The following PTPRD variants were observed in gnomAD, a reference collection of about 807,000 sequenced individuals.
PTPRD encodes the protein receptor-type tyrosine-protein phosphatase delta.
Under a neutral mutation model 214.5 loss-of-function variants are expected in PTPRD, and 34 were observed. The observed-to-expected ratio is 0.16, with a 90% CI of 0.12 to 0.21. The LOEUF (loss-of-function observed/expected upper bound fraction) is 0.21, where lower values mean the gene tolerates loss of function less well. Ranked by LOEUF, PTPRD falls within the 10% of genes least tolerant of loss-of-function variation. The pLI is 1.00. For missense variants in PTPRD, 2,545 were observed against 2,398.7 expected (o/e 1.06, Z -1.27); for synonymous variants, 1,128 against 845.7 (o/e 1.33, Z -5.79).
chr9:9,922,742 CAA>C (rs965651427), intron 5 of PTPRD, among the ~76,000 whole-genome samples: 65 of 151,774 alleles, frequency 4.3e-4, no homozygotes, highest in African/African-American at 1.5e-3. Context: ...AAACCAAAAA[CAA>C]GAACATTCTA....
chr9:10,530,459 C>G (rs2055888712), intron 2 of PTPRD, among the ~76,000 whole-genome samples: 1 of 151,994 alleles, frequency 6.6e-6, no homozygotes, highest in Non-Finnish European at 1.5e-5. Context: ...TTTTTCAGAA[C>G]AAGTGTTCCC....
rs535344466 is a variant in PTPRD at position 9,450,095 on chromosome 9, GGT to G, written c.-236-52615_-236-52614del. Among the ~76,000 whole-genome samples, 774 of 145,894 alleles carry G rather than the reference GGT, an allele frequency of 5.3e-3. 4 individuals carry two copies. Among genetic ancestry groups the G allele is most frequent in the Middle Eastern group, 7.2e-3 (2 of 278 alleles). On this transcript the variant is annotated intron_variant, in intron 8 of 45. Transcript: ENST00000381196. ...GTTTTATGGCTGAGTAGTATTCCATGGTGTGTGTGTGTGTGTGTGTGTGTCTG... is the reference window on the plus strand; with the variant it reads ...GTTTTATGGCTGAGTAGTATTCCATGGTGTGTGTGTGTGTGTGTGTGTCTG...
intron 3 of PTPRD, among the ~76,000 whole-genome samples, chr9:10,312,717 A>G (rs2096301330): frequency 6.6e-6 from 1 of 152,118 alleles, no homozygotes; most frequent in African/African-American, 2.4e-5. Context: ...GAGTAAGACA[A>G]TAAAAATGAT....
chr9:9,212,710 T>C (rs550194096), intron 9 of PTPRD, among the ~76,000 whole-genome samples: 18 of 152,276 alleles, frequency 1.2e-4, no homozygotes, highest in Non-Finnish European at 1.3e-4. Context: ...TTGATTATCA[T>C]TTAAGGAACT....
intron 45 of PTPRD, among the ~76,000 whole-genome samples, chr9:8,318,206 C>T (rs923899458): frequency 4.6e-5 from 7 of 151,932 alleles, no homozygotes; most frequent in Admixed American, 3.3e-4. Context: ...ACATTACCTT[C>T]CCAGACAAGT....
intron 2 of PTPRD, among the ~76,000 whole-genome samples, chr9:10,602,545 G>T (rs1260944273): frequency 6.6e-6 from 1 of 151,730 alleles, no homozygotes; most frequent in East Asian, 1.9e-4. Flanking sequence ...TATAAGAACA[G>T]TGATCAACGT....
chr9:9,058,798 T>C (rs1590767861), intron 10 of PTPRD, among the ~76,000 whole-genome samples: 1 of 151,442 alleles, frequency 6.6e-6, no homozygotes, highest in South Asian at 2.1e-4. Flanking sequence ...GTTAGAGAGG[T>C]TGTGAAAAAA....
intron 2 of PTPRD, among the ~76,000 whole-genome samples, chr9:10,574,478 C>T (rs1258118549): frequency 6.6e-6 from 1 of 151,912 alleles, no homozygotes; most frequent in African/African-American, 2.4e-5. Flanking sequence ...ACACATCACC[C>T]CTGTCTTCAG....
Position 9,801,349 on chromosome 9 carries a change from A to G in PTPRD, c.-367-34498T>C, listed in dbSNP as rs576213683. On this transcript the variant is annotated intron_variant, in intron 5 of 45. Coordinates refer to ENST00000381196, the MANE Select transcript of PTPRD (RefSeq NM_002839.4). ...AGCTAAAGAGGATTAAAAAAAAAAA[A>G]GTAACTTTCAGTATAAAACAGGAAT... 8.3e-3 allele frequency among the ~76,000 whole-genome samples: 1,234 copies of G among 148,086 alleles called. 19 individuals carry two copies. The highest frequency in any genetic ancestry group is 0.029 in the African/African-American group (1,167 of 39,918).
intron 26 of PTPRD, among the ~76,000 whole-genome samples, chr9:8,494,689 C>A (rs1035749048): frequency 6.6e-6 from 1 of 152,192 alleles, no homozygotes; most frequent in African/African-American, 2.4e-5. Context: ...TTGGAGTTAA[C>A]CACACATATC....
chr9:9,117,065 T>C (rs1218738424), intron 10 of PTPRD, among the ~76,000 whole-genome samples: 3 of 152,104 alleles, frequency 2.0e-5, no homozygotes, highest in Non-Finnish European at 4.4e-5. Context: ...CCAAATATAT[T>C]AAAGGAAGGT....
At chr9:10,466,596 C>T (rs532032863) in intron 2 of PTPRD, among the ~76,000 whole-genome samples, 1 of 129,504 alleles carries the variant, frequency 7.7e-6, no homozygotes, top group Admixed American at 9.2e-5. Context: ...GCACTCCAGC[C>T]TGGGCAACAA....
At chr9:9,860,322 C>A (rs572633269) in intron 5 of PTPRD, among the ~76,000 whole-genome samples, 58 of 152,304 alleles carry the variant, frequency 3.8e-4, no homozygotes, top group African/African-American at 1.2e-3. Flanking sequence ...GAAAACTTAA[C>A]TAAAGGACAA....
intron 2 of PTPRD, among the ~76,000 whole-genome samples, chr9:10,607,461 C>T (rs886571567): frequency 1.3e-5 from 2 of 151,832 alleles, no homozygotes; most frequent in African/African-American, 4.8e-5. Flanking sequence ...TAAACACACA[C>T]AGATACATAA....
chr9:8,825,412 G>C (rs1601027565), intron 11 of PTPRD, among the ~76,000 whole-genome samples: 1 of 152,134 alleles, frequency 6.6e-6, no homozygotes, highest in South Asian at 2.1e-4. Context: ...ATTGTCATAA[G>C]AATGCTTACA....
At chr9:8,719,553 A>T (rs2098470246) in intron 12 of PTPRD, among the ~76,000 whole-genome samples, 1 of 152,224 alleles carries the variant, frequency 6.6e-6, no homozygotes, top group South Asian at 2.1e-4. Context: ...AGCAGGAGTG[A>T]TCAAACTAGG....
intron 2 of PTPRD, among the ~76,000 whole-genome samples, chr9:10,601,238 A>C (rs2077889540): frequency 6.6e-6 from 1 of 151,776 alleles, no homozygotes; most frequent in African/African-American, 2.4e-5. Flanking sequence ...GTAGGTAGCC[A>C]TCCAAGTAAT....
intron 8 of PTPRD, among the ~76,000 whole-genome samples, chr9:9,521,738 G>C (rs1485458940): frequency 6.6e-6 from 1 of 152,140 alleles, no homozygotes; most frequent in Non-Finnish European, 1.5e-5. Context: ...GGTTAACAAA[G>C]TAAATATATA....
intron 9 of PTPRD, among the ~76,000 whole-genome samples, chr9:9,394,716 T>C (rs536684396): frequency 1.2e-4 from 19 of 152,212 alleles, no homozygotes; most frequent in Middle Eastern, 3.4e-3. Flanking sequence ...ATATATACAT[T>C]ATTGATTTAA....
Sources: allele counts gnomAD v4.1 joint callset (sites outside exome capture counted in the v4.1 genomes callset), GRCh38; gene constraint gnomAD v4.1.1; transcripts MANE v1.5; gene names NCBI Gene and HGNC (gene_info 2026-07-23, HGNC 2026-07-21).